The following CNTN3 variants were observed in gnomAD, a reference collection of about 807,000 sequenced individuals.
The protein encoded by CNTN3 is contactin 3.
A neutral mutation model predicts 119.1 loss-of-function variants in CNTN3; 60 were observed. The ratio of observed to expected loss-of-function variants is 0.50; its 90% CI spans 0.41 to 0.62. The LOEUF (loss-of-function observed/expected upper bound fraction) is 0.62. Among genes scored for constraint, CNTN3 ranks in the 20% least tolerant of loss-of-function variants. CNTN3 has a pLI of 0.00. For missense variants in CNTN3, 1,101 were observed against 1,242.4 expected (o/e 0.89, Z 1.71); for synonymous variants, 450 against 438.7 (o/e 1.03, Z -0.32).
chr3:74,443,898 T>TAA (rs139791101), intron 4 of CNTN3, among the ~76,000 whole-genome samples: 1 of 151,004 alleles, frequency 6.6e-6, no homozygotes. Flanking sequence ...CAGCGTGGCT[T>TAA]AAAAAAAAAC....
intron 13 of CNTN3, among the ~76,000 whole-genome samples, chr3:74,306,877 A>G (rs1702574348): frequency 6.6e-6 from 1 of 152,188 alleles, no homozygotes; most frequent in Admixed American, 6.5e-5. Context: ...AAGAAAAAAG[A>G]AACAGTCCTT....
At chr3:74,468,844 G>A (rs1702510232) in intron 4 of CNTN3, among the ~76,000 whole-genome samples, 1 of 152,076 alleles carries the variant, frequency 6.6e-6, no homozygotes, top group Non-Finnish European at 1.5e-5. Context: ...GATTTGGGAG[G>A]GGTTTAAACA....
intron 1 of CNTN3, among the ~76,000 whole-genome samples, chr3:74,586,383 A>G (rs1298594375): frequency 6.6e-6 from 1 of 152,146 alleles, no homozygotes; most frequent in Non-Finnish European, 1.5e-5. Flanking sequence ...GACTAACAGA[A>G]ACACTTCCCC....
intron 20 of CNTN3, among the ~76,000 whole-genome samples, chr3:74,275,065 G>T (rs1701854557): frequency 6.6e-6 from 1 of 152,120 alleles, no homozygotes; most frequent in African/African-American, 2.4e-5. Context: ...TTCAGAGCGT[G>T]AAGACAAGGT....
intron 1 of CNTN3, among the ~76,000 whole-genome samples, chr3:74,552,258 G>A (rs1444005898): frequency 6.6e-6 from 1 of 152,096 alleles, no homozygotes; most frequent in Non-Finnish European, 1.5e-5. Context: ...TGCCATAAAC[G>A]TCCATGTGGA....
chr3:74,434,251 A>G (rs1227344825), intron 4 of CNTN3, among the ~76,000 whole-genome samples: 1 of 152,218 alleles, frequency 6.6e-6, no homozygotes, highest in African/African-American at 2.4e-5. Flanking sequence ...TGAACCTCAC[A>G]GGGCTTTTCA....
At chr3:74,375,632 T>A (rs1022531114) in intron 5 of CNTN3, among the ~76,000 whole-genome samples, 1 of 151,850 alleles carries the variant, frequency 6.6e-6, no homozygotes, top group Non-Finnish European at 1.5e-5. Context: ...GAACCAGGTA[T>A]GGTAGTCAGA....
At chr3:74,587,805 G>T (rs910063638) in intron 1 of CNTN3, among the ~76,000 whole-genome samples, 3 of 151,994 alleles carry the variant, frequency 2.0e-5, no homozygotes, top group Non-Finnish European at 2.9e-5. Flanking sequence ...CTGCCTAATT[G>T]CCCTGGCCAG....
intron 16 of CNTN3, among the ~76,000 whole-genome samples, chr3:74,300,285 G>A (rs1055994753): frequency 1.3e-5 from 2 of 152,300 alleles, no homozygotes; most frequent in African/African-American, 2.4e-5. Context: ...TGTTTAGCTT[G>A]TGACTATTCC....
chr3:74,414,900 C>T (rs1405262310), intron 5 of CNTN3, among the ~76,000 whole-genome samples: 2 of 63,910 alleles, frequency 3.1e-5, no homozygotes, highest in African/African-American at 4.6e-5. Context: ...TTTTTTTTGA[C>T]CAAAAGCATC....
intron 2 of CNTN3, among the ~76,000 whole-genome samples, chr3:74,509,335 AT>A: frequency 7.7e-6 from 1 of 129,926 alleles, no homozygotes; most frequent in East Asian, 2.2e-4. Flanking sequence ...TTTTTTTGAC[AT>A]GGGGTCTCGC....
At chr3:74,474,206 C>A (rs1299549632) in intron 4 of CNTN3, among the ~76,000 whole-genome samples, 1 of 152,092 alleles carries the variant, frequency 6.6e-6, no homozygotes, top group African/African-American at 2.4e-5. Flanking sequence ...TAAATGCAAT[C>A]AGATTTATTG....
chr3:74,273,143 A>T (rs889997237), intron 20 of CNTN3, among the ~76,000 whole-genome samples: 1 of 152,214 alleles, frequency 6.6e-6, no homozygotes, highest in East Asian at 1.9e-4. Context: ...CATATATATA[A>T]AAATTTTAGA....
chr3:74,497,603 AT>A (rs1703087778), intron 3 of CNTN3, among the ~76,000 whole-genome samples: 1 of 151,834 alleles, frequency 6.6e-6, no homozygotes, highest in Admixed American at 6.6e-5. Flanking sequence ...ATTTTAGAAA[AT>A]TTTTAAAGTT....
At chr3:74,315,028 G>T (rs577851799) in intron 13 of CNTN3, among the ~76,000 whole-genome samples, 1 of 152,180 alleles carries the variant, frequency 6.6e-6, no homozygotes, top group Non-Finnish European at 1.5e-5. Flanking sequence ...GAAGCCAGCT[G>T]AAACCTATCA....
chr3:74,281,579 C>A (rs910531574), intron 20 of CNTN3, among the ~76,000 whole-genome samples: 3 of 152,088 alleles, frequency 2.0e-5, no homozygotes, highest in Non-Finnish European at 4.4e-5. Flanking sequence ...AACTCCTGAG[C>A]TCAAGCAATC....
At chr3:74,544,117 T>A (rs566874693) in intron 1 of CNTN3, among the ~76,000 whole-genome samples, 1 of 152,308 alleles carries the variant, frequency 6.6e-6, no homozygotes, top group African/African-American at 2.4e-5. Context: ...GATTTCTCTG[T>A]ATTGATCACA....
chr3:74,429,902 C>T (rs1328782089), intron 4 of CNTN3, among the ~76,000 whole-genome samples: 2 of 152,034 alleles, frequency 1.3e-5, no homozygotes, highest in African/African-American at 4.8e-5. Context: ...CATTAGACAT[C>T]GGGGAAATGC....
At chr3:74,574,653 T>C (rs1172872501) in intron 1 of CNTN3, among the ~76,000 whole-genome samples, 2 of 152,212 alleles carry the variant, frequency 1.3e-5, no homozygotes, top group Admixed American at 1.3e-4. Context: ...GTGCTACACA[T>C]ATAACTTCAA....
Sources: allele counts gnomAD v4.1 joint callset (sites outside exome capture counted in the v4.1 genomes callset), GRCh38; gene constraint gnomAD v4.1.1; transcripts MANE v1.5; gene names NCBI Gene and HGNC (gene_info 2026-07-23, HGNC 2026-07-21).